The following PDZD8 variants were observed in gnomAD, a reference collection of about 807,000 sequenced individuals.
PDZD8 encodes the protein PDZ domain-containing protein 8.
A neutral mutation model predicts 85.8 loss-of-function variants in PDZD8; 14 were observed. The observed-to-expected ratio is 0.16, with a 90% CI of 0.11 to 0.26. The LOEUF (loss-of-function observed/expected upper bound fraction) is 0.26, where lower values mean the gene tolerates loss of function less well. PDZD8 is among the 10% of genes least tolerant of loss of function. The pLI, the probability that PDZD8 is intolerant of heterozygous loss-of-function variation, is 1.00. For missense variants in PDZD8, 1,197 were observed against 1,424.3 expected (o/e 0.84, Z 2.57); for synonymous variants, 592 against 568.6 (o/e 1.04, Z -0.59).
Position 117,283,240 on chromosome 10 carries a change from C to A in PDZD8, c.*28G>T. 6.4e-7 allele frequency: 1 copy of A among 1,570,990 alleles called. No individual in the cohort carries two copies. Among genetic ancestry groups the A allele is most frequent in the South Asian group, 1.2e-5 (1 of 83,276 alleles). On this transcript the variant is annotated 3_prime_UTR_variant, in exon 5 of 5. Coordinates refer to ENST00000334464, the MANE Select transcript of PDZD8 (RefSeq NM_173791.5). Reference sequence around the variant, plus strand: ...ACTTTAGATGCAACTTTACCCTGTTCATTTGAAAGCTTAAATAGACCTGTC... The same window carrying A: ...ACTTTAGATGCAACTTTACCCTGTTAATTTGAAAGCTTAAATAGACCTGTC...
At chr10:117,314,010 C>T (rs1233168589) in intron 3 of PDZD8, among the ~76,000 whole-genome samples, 2 of 152,208 alleles carry the variant, frequency 1.3e-5, no homozygotes, top group African/African-American at 2.4e-5. Context: ...ATACCATTCA[C>T]AGTCCAGTTT....
rs879870820 is a variant in PDZD8, at chr10:117,337,088, C to CA, written c.995+3891dup. 1.0e-2 allele frequency among the ~76,000 whole-genome samples: 1,323 copies of CA among 132,612 alleles called. 10 individuals are homozygous for CA. The highest frequency in any genetic ancestry group is 0.03 in the African/African-American group (1,082 of 36,296). 87.0% of individuals were successfully genotyped at this position (132,612 alleles called of 152,430 possible). Reference sequence around the variant, plus strand: ...TGGGCCACAGAGTGAGACTCCATCTCAAAAAAAAAAAAAGTAAGATCTAAC... The same window carrying CA: ...TGGGCCACAGAGTGAGACTCCATCTCAAAAAAAAAAAAAAGTAAGATCTAAC... On this transcript the variant is annotated intron_variant, in intron 2 of 4. Transcript: ENST00000334464.
Position 117,283,530 on chromosome 10 carries a change from C to T in PDZD8, c.3203G>A (p.Arg1068Lys). Residue 1068 changes from arginine (R) to lysine (K), a missense_variant, in exon 5 of 5, where the codon AGG (arginine) becomes AAG (lysine). By Grantham distance (26) the Arg-to-Lys change is conservative. This residue lies in a region of PDZD8 where 418 missense variants were observed against 571.1 expected (regional missense o/e 0.73). Transcript: ENST00000334464. ...GGCAGCAGAAAGAAGTGATTTTTTC[C>T]TTGTATCAGTTGTCTCTTTTTCTTC... is the stretch of plus-strand genomic sequence containing the variant. ...VREEKETTDT[R>K]KKSLLSAALA... The T allele has an allele frequency of 2.5e-6, 4 of 1,614,124 alleles. No individual in the cohort carries two copies. The highest frequency in any genetic ancestry group is 2.5e-6 in the Non-Finnish European group (3 of 1,180,002).
At chr10:117,299,456 G>T (rs1843810214) in intron 3 of PDZD8, among the ~76,000 whole-genome samples, 1 of 152,128 alleles carries the variant, frequency 6.6e-6, no homozygotes, top group Non-Finnish European at 1.5e-5. Context: ...CCAGTTATTT[G>T]TAGGTTTTTC....
At chr10:117,302,623 G>A (rs1288723357) in intron 3 of PDZD8, among the ~76,000 whole-genome samples, 1 of 152,148 alleles carries the variant, frequency 6.6e-6, no homozygotes, top group East Asian at 1.9e-4. Flanking sequence ...ATATGCAGTT[G>A]TGCCTTGGTA....
At position 117,374,802 on chromosome 10, in the gene PDZD8, C is replaced by T. The variant is rs750745021; in HGVS notation, c.426G>A (p.Gly142=). 1.9e-6 allele frequency: 3 copies of T among 1,613,352 alleles called. No homozygotes were observed. The highest frequency in any genetic ancestry group is 1.1e-5 in the South Asian group (1 of 91,078). ...CCAGGAACACGTCCCGCAGGCTCAG[C>T]CCCTCCAGCAGGCGCCCGGCCGTCT... ...QTKTAGRLLE[G]LSLRDVFLGE... is the part of the protein sequence containing the mutation. Residue 142 remains glycine, a synonymous_variant, in exon 1 of 5, where the codon GGG becomes GGA. Coordinates refer to ENST00000334464, the MANE Select transcript of PDZD8 (RefSeq NM_173791.5). This position sits in a 1 kb window ranked among gnomAD's most constrained non-coding sequence, Gnocchi z 7.8.
At chr10:117,290,626 C>T (rs528094857) in intron 3 of PDZD8, among the ~76,000 whole-genome samples, 1 of 152,052 alleles carries the variant, frequency 6.6e-6, no homozygotes, top group Non-Finnish European at 1.5e-5. Flanking sequence ...GGGAAATAAA[C>T]AGAAAGGCAA....
At chr10:117,312,336 T>C (rs1178539273) in intron 3 of PDZD8, among the ~76,000 whole-genome samples, 1 of 152,082 alleles carries the variant, frequency 6.6e-6, no homozygotes, top group Non-Finnish European at 1.5e-5. Flanking sequence ...GGACCAGGCC[T>C]GCGAGGGCTG....
chr10:117,364,554 A>AT (rs952703408), intron 1 of PDZD8, among the ~76,000 whole-genome samples: 6 of 151,562 alleles, frequency 4.0e-5, no homozygotes, highest in African/African-American at 7.3e-5. Flanking sequence ...CTAAACCACT[A>AT]TTTTTTTTAA....
chr10:117,320,884 C>T (rs1057296030), intron 2 of PDZD8, among the ~76,000 whole-genome samples: 8 of 151,900 alleles, frequency 5.3e-5, no homozygotes, highest in Admixed American at 2.0e-4. Flanking sequence ...CAAAGATGCA[C>T]GAATGGTCAA....
intron 4 of PDZD8, among the ~76,000 whole-genome samples, chr10:117,287,159 C>G (rs1192060961): frequency 1.3e-5 from 2 of 152,134 alleles, no homozygotes; most frequent in African/African-American, 4.8e-5. Flanking sequence ...CCTCCTGTCT[C>G]CTTCCTGACT....
chr10:117,316,193 T>C lies in PDZD8; in HGVS notation c.1098+2679A>G, dbSNP rs73394996. ...ACAAACACAACCACAAGGTACCTCATTTATCCTATGAGCTCTTTTATTGTA... is the reference window on the plus strand; with the variant it reads ...ACAAACACAACCACAAGGTACCTCACTTATCCTATGAGCTCTTTTATTGTA... On this transcript the variant is annotated intron_variant, in intron 3 of 4. Coordinates refer to ENST00000334464, the MANE Select transcript of PDZD8 (RefSeq NM_173791.5). Among the ~76,000 whole-genome samples, 727 of 152,308 alleles carry C rather than the reference T, an allele frequency of 4.8e-3. 11 individuals are homozygous for C. Among genetic ancestry groups the C allele is most frequent in the African/African-American group, 0.017 (699 of 41,562 alleles).
chr10:117,283,876 T>C lies in PDZD8; in HGVS notation c.2857A>G (p.Lys953Glu), dbSNP rs1844611449. The part of the protein sequence containing the change: ...SRLLNLRQVS[K>E]TRLSEPGTDL... ...GTTCCTGGTTCAGAAAGGCGAGTTT[T>C]AGAGACTTGACGCAAATTTAATAAA... Residue 953 changes from lysine (K) to glutamate (E), a missense_variant, in exon 5 of 5, where the codon AAA becomes GAA. Around this residue, in one of 4 missense-constraint regions of PDZD8, gnomAD observed 418 missense variants for 571.1 expected, o/e 0.73. Transcript: ENST00000334464. 6.2e-7 allele frequency: 1 copy of C among 1,614,086 alleles called. No individual in the cohort carries two copies. The highest frequency in any genetic ancestry group is 1.7e-5 in the Admixed American group (1 of 59,996).
At chr10:117,321,334 C>T (rs1222926560) in intron 2 of PDZD8, among the ~76,000 whole-genome samples, 1 of 152,050 alleles carries the variant, frequency 6.6e-6, no homozygotes, top group Non-Finnish European at 1.5e-5. Flanking sequence ...TTAATACATG[C>T]TACATACACT....
Position 117,285,081 on chromosome 10 carries a change from G to A in PDZD8, c.1652C>T (p.Pro551Leu). 6.2e-7 allele frequency: 1 copy of A among 1,613,872 alleles called. No homozygotes were observed. The highest frequency in any genetic ancestry group is 8.5e-7 in the Non-Finnish European group (1 of 1,179,810). ...LNRKLAVGSH[P>L]LPPKIQSKDG... ...TTTGGACTGAATTTTCGGTGGTAGT[G>A]GGTGACTTCCTACAGCTAATTTACG... Residue 551 changes from proline to leucine, a missense_variant, in exon 5 of 5, where the codon CCA (proline) becomes CTA (leucine). This residue lies in a region of PDZD8 where 263 missense variants were observed against 261.9 expected (regional missense o/e 1.00). Transcript: ENST00000334464.
chr10:117,338,747 A>C (rs1309892596), intron 2 of PDZD8, among the ~76,000 whole-genome samples: 1 of 152,192 alleles, frequency 6.6e-6, no homozygotes, highest in Non-Finnish European at 1.5e-5. Flanking sequence ...TCTCAACATG[A>C]CCTAAAGAAT....
rs752527474 is a variant in PDZD8 at position 117,333,117 on chromosome 10, CAAAAAAAAAAAAAAAA to C, written c.995+7847_995+7862del. Among the ~76,000 whole-genome samples, 37 of 7,260 alleles carry C rather than the reference CAAAAAAAAAAAAAAAA, an allele frequency of 5.1e-3. 1 individual carries two copies. Among genetic ancestry groups the C allele is most frequent in the African/African-American group, 8.6e-3 (36 of 4,166 alleles). 4.8% of individuals were successfully genotyped at this position (7,260 alleles called of 152,430 possible). On this transcript the variant is annotated intron_variant, in intron 2 of 4. Transcript: ENST00000334464. ...CTGGACAGCAGAGTGGACTCTGTCTCAAAAAAAAAAAAAAAAAAAAAAAAAAGGGGATATGGAGGCA... is the reference window on the plus strand; with the variant it reads ...CTGGACAGCAGAGTGGACTCTGTCTCAAAAAAAAAAGGGGATATGGAGGCA...
intron 2 of PDZD8, 33 bp from the exon 3 acceptor site, chr10:117,319,007 A>G: frequency 7.3e-7 from 1 of 1,375,628 alleles, no homozygotes; most frequent in Non-Finnish European, 1.0e-6. Flanking sequence ...GGAGAGTATC[A>G]TACCTGTTAT....
At chr10:117,345,837 A>C (rs1486548031) in intron 1 of PDZD8, among the ~76,000 whole-genome samples, 2 of 152,188 alleles carry the variant, frequency 1.3e-5, no homozygotes, top group Non-Finnish European at 2.9e-5. Context: ...TTTGGAGAGA[A>C]TAGGCTGTAA....
Sources: gnomAD v4.1 joint callset for allele counts (sites outside exome capture counted in the v4.1 genomes callset) on GRCh38, gnomAD v4.1.1 for gene constraint, gnomAD v4.1.1 regional missense constraint, Gnocchi (gnomAD v3.1) non-coding constraint, MANE v1.5 for transcripts, NCBI Gene and HGNC (gene_info 2026-07-23, HGNC 2026-07-21) for gene names.